MUC13: variants seen among roughly 807,000 people sequenced by gnomAD.
The protein encoded by MUC13 is mucin-13.
A neutral mutation model predicts 48.3 loss-of-function variants in MUC13; 32 were observed. The observed-to-expected ratio is 0.66, with a 90% confidence interval of 0.50 to 0.89. The LOEUF (loss-of-function observed/expected upper bound fraction) is 0.89. Ranked by LOEUF, MUC13 falls within the 40% of genes least tolerant of loss-of-function variation. The pLI is 0.00. For missense variants in MUC13, 571 were observed against 622.8 expected, an observed-to-expected ratio of 0.92 and a Z score of 0.88; for synonymous variants, 199 against 224.9, an observed-to-expected ratio of 0.88 and a Z score of 1.03.
At chr3:124,912,664 A>G (rs1935442578) in intron 8 of MUC13, among the ~76,000 whole-genome samples, 1 of 152,186 alleles carries the variant, frequency 6.6e-6, no homozygotes, top group Non-Finnish European at 1.5e-5. Flanking sequence ...GATGCTGGGC[A>G]TGGTGGCTCA....
At chr3:124,925,549 T>C (rs1935672354) in intron 2 of MUC13, among the ~76,000 whole-genome samples, 1 of 152,184 alleles carries the variant, frequency 6.6e-6, no homozygotes, top group Non-Finnish European at 1.5e-5. Flanking sequence ...AGGGAGTATA[T>C]GGGAAACCTC....
chr3:124,923,671 T>A (rs779333386), intron 2 of MUC13, 22 bp from the exon 3 acceptor site: 31 of 1,603,346 alleles, frequency 1.9e-5, no homozygotes, highest in Non-Finnish European at 2.4e-5. Flanking sequence ...TAGAAAGAGA[T>A]TAGAAATCCA....
chr3:124,927,108 A>C (rs1935702624), intron 2 of MUC13, among the ~76,000 whole-genome samples: 1 of 152,212 alleles, frequency 6.6e-6, no homozygotes. Flanking sequence ...CCATCTTACA[A>C]GGGTAGAACT....
intron 6 of MUC13, among the ~76,000 whole-genome samples, chr3:124,915,825 A>G (rs1935503763): frequency 6.6e-6 from 1 of 152,100 alleles, no homozygotes. Context: ...AGCTGAGACC[A>G]CAGACCTGCA....
At chr3:124,912,023 G>A in intron 9 of MUC13, 81 bp downstream of exon 9, 4 of 1,542,406 alleles carry the variant, frequency 2.6e-6, no homozygotes, top group Non-Finnish European at 3.5e-6. Flanking sequence ...TTGAAGGACT[G>A]GGCAGGATGT....
intron 4 of MUC13, among the ~76,000 whole-genome samples, chr3:124,921,126 T>TA (rs950664142): frequency 5.2e-4 from 79 of 150,872 alleles, no homozygotes; most frequent in East Asian, 1.8e-3. Flanking sequence ...ACTTCAGCTT[T>TA]AAAAAAATGT....
chr3:124,922,403 T>C (rs1489368746), intron 3 of MUC13, 100 bp from the exon 4 acceptor site: 6 of 1,389,644 alleles, frequency 4.3e-6, no homozygotes, highest in Non-Finnish European at 5.8e-6. Flanking sequence ...CCCAACATTA[T>C]ATAACGACAC....
chr3:124,911,999 A>G, intron 9 of MUC13, 105 bp downstream of exon 9: 1 of 1,451,924 alleles, frequency 6.9e-7, no homozygotes, highest in Non-Finnish European at 9.3e-7. Flanking sequence ...TCTTTATGAA[A>G]GAGGACAGAG....
intron 1 of MUC13, among the ~76,000 whole-genome samples, chr3:124,930,530 GA>G (rs1935777768): frequency 6.6e-6 from 1 of 152,142 alleles, no homozygotes; most frequent in Non-Finnish European, 1.5e-5. Flanking sequence ...ATAGATAACA[GA>G]AATATATGAA....
intron 1 of MUC13, among the ~76,000 whole-genome samples, chr3:124,929,238 C>T (rs1041780258): frequency 1.3e-5 from 2 of 150,364 alleles, no homozygotes; most frequent in African/African-American, 4.9e-5. Flanking sequence ...TGCAGTGGTG[C>T]CATAATAGCT....
chr3:124,908,053 G>A (rs1935347404), intron 11 of MUC13, 94 bp downstream of exon 11: 10 of 1,210,834 alleles, frequency 8.3e-6, no homozygotes, highest in African/African-American at 1.5e-5. Flanking sequence ...GAAAGCCTGC[G>A]GGGCAGCCAA....
chr3:124,927,893 A>C lies in MUC13; in HGVS notation c.153T>G (p.Pro51=), dbSNP rs143740022. 86 of 1,613,488 alleles carry C rather than the reference A, an allele frequency of 5.3e-5. No homozygotes were observed. The highest frequency in any genetic ancestry group is 6.9e-5 in the Non-Finnish European group (81 of 1,179,794). The change falls in exon 2 of 12, where the codon CCT becomes CCG. Residue 51 remains proline, a synonymous_variant. Coordinates refer to ENST00000616727, the MANE Select transcript of MUC13 (RefSeq NM_033049.4). ...TATTTGCTGTGGTGCTAGCAGTTTC[A>C]GGGAAATTAGTTTCAGTGGTATCAG... The part of the protein sequence containing the change: ...AAADTTETNF[P]ETASTTANTP...
chr3:124,912,248 C>T (rs1935431882), intron 8 of MUC13, 107 bp from the exon 9 acceptor site: 1 of 1,485,062 alleles, frequency 6.7e-7, no homozygotes, highest in African/African-American at 1.4e-5. Flanking sequence ...TCCTTTTATT[C>T]TGTCCTCCCT....
At chr3:124,919,115 A>G (rs1027173481) in intron 5 of MUC13, among the ~76,000 whole-genome samples, 4 of 150,556 alleles carry the variant, frequency 2.7e-5, no homozygotes, top group African/African-American at 9.7e-5. Context: ...AGGCGGGTGG[A>G]TCACGAGGTC....
intron 1 of MUC13, among the ~76,000 whole-genome samples, chr3:124,933,184 T>A (rs533201695): frequency 6.6e-6 from 1 of 152,174 alleles, no homozygotes; most frequent in East Asian, 1.9e-4. Context: ...CTAATCCTGA[T>A]GCCATTCATT....
chr3:124,908,016 C>G, intron 11 of MUC13, 131 bp downstream of exon 11: 1 of 851,140 alleles, frequency 1.2e-6, no homozygotes. Context: ...CTCTCTCTCT[C>G]TCTCTTTCAA....
chr3:124,925,817 GTT>G (rs1935675900), intron 2 of MUC13, among the ~76,000 whole-genome samples: 1 of 152,112 alleles, frequency 6.6e-6, no homozygotes, highest in Non-Finnish European at 1.5e-5. Flanking sequence ...GTTTTGCCAT[GTT>G]TCCCAGGCTG....
chr3:124,922,553 TTATTA>T (rs1935616537), intron 3 of MUC13, among the ~76,000 whole-genome samples: 1 of 151,684 alleles, frequency 6.6e-6, no homozygotes, highest in African/African-American at 2.4e-5. Flanking sequence ...TTTTTTCTTC[TTATTA>T]TATAATAGGT....
chr3:124,913,378 TG>T, intron 7 of MUC13, 138 bp from the exon 8 acceptor site: 1 of 1,438,350 alleles, frequency 7.0e-7, no homozygotes, highest in South Asian at 1.4e-5. Context: ...ACACATGATG[TG>T]CCCCCTGTGA....
Sources: gnomAD v4.1 joint callset for allele counts (sites outside exome capture counted in the v4.1 genomes callset) on GRCh38, gnomAD v4.1.1 for gene constraint, MANE v1.5 for transcripts, NCBI Gene and HGNC (gene_info 2026-07-23, HGNC 2026-07-21) for gene names.